SPOCK3: variants seen among roughly 807,000 people sequenced by gnomAD.
SPOCK3 encodes SPARC (osteonectin), cwcv and kazal like domains proteoglycan 3.
SPOCK3 carries 30 observed loss-of-function variants against 56.6 expected under a neutral mutation model. The ratio of observed to expected loss-of-function variants is 0.53; its 90% CI spans 0.40 to 0.72. The LOEUF (loss-of-function observed/expected upper bound fraction) is 0.72. Among genes scored for constraint, SPOCK3 ranks in the 30% least tolerant of loss-of-function variants. The pLI is 0.00. For synonymous variants in SPOCK3, 196 were observed against 183.3 expected (o/e 1.07, Z -0.56); for missense variants, 527 against 530.0 (o/e 0.99, Z 0.06).
At chr4:166,913,978 G>A (rs578197640) in intron 4 of SPOCK3, among the ~76,000 whole-genome samples, 7 of 151,880 alleles carry the variant, frequency 4.6e-5, no homozygotes, top group African/African-American at 1.7e-4. Flanking sequence ...CAATATCCTA[G>A]TGAGAGATAA....
At chr4:167,100,265 C>G (rs1355548173) in intron 2 of SPOCK3, among the ~76,000 whole-genome samples, 2 of 152,128 alleles carry the variant, frequency 1.3e-5, no homozygotes, top group Non-Finnish European at 2.9e-5. Context: ...CTCTGACTGA[C>G]TGACCTAACC....
At chr4:167,140,962 G>C (rs766100986) in intron 2 of SPOCK3, among the ~76,000 whole-genome samples, 2 of 151,730 alleles carry the variant, frequency 1.3e-5, no homozygotes, top group Non-Finnish European at 2.9e-5. Flanking sequence ...CTTTTTTCTT[G>C]TTAATCTATT....
chr4:167,204,951 A>T (rs1733885903), intron 2 of SPOCK3, among the ~76,000 whole-genome samples: 2 of 148,406 alleles, frequency 1.3e-5, no homozygotes, highest in Non-Finnish European at 3.0e-5. Context: ...TCAGCCTCCT[A>T]GGTAGCTATG....
At chr4:166,933,318 AAAG>A (rs1295473603) in intron 4 of SPOCK3, among the ~76,000 whole-genome samples, 2 of 152,214 alleles carry the variant, frequency 1.3e-5, no homozygotes, top group Non-Finnish European at 2.9e-5. Flanking sequence ...TTACATAAAC[AAAG>A]AAGGCCTTCA....
intron 6 of SPOCK3, among the ~76,000 whole-genome samples, chr4:166,797,896 A>G (rs1213727191): frequency 6.6e-6 from 1 of 152,184 alleles, no homozygotes; most frequent in Non-Finnish European, 1.5e-5. Context: ...TTTTTAGGTC[A>G]TTAAAATATC....
chr4:166,894,554 G>A (rs1735151160), intron 5 of SPOCK3, among the ~76,000 whole-genome samples: 1 of 152,048 alleles, frequency 6.6e-6, no homozygotes, highest in Non-Finnish European at 1.5e-5. Context: ...CTAGAAACTG[G>A]CAATTGTAAA....
intron 2 of SPOCK3, among the ~76,000 whole-genome samples, chr4:167,126,053 G>A (rs927637257): frequency 9.2e-5 from 14 of 152,108 alleles, no homozygotes; most frequent in Admixed American, 4.6e-4. Context: ...CACAACAGAG[G>A]CTTGAAAATA....
At chr4:167,193,016 G>C (rs192286662) in intron 2 of SPOCK3, among the ~76,000 whole-genome samples, 1 of 146,074 alleles carries the variant, frequency 6.8e-6, no homozygotes, top group Admixed American at 7.0e-5. Flanking sequence ...CCCAACGTAT[G>C]ATCTATCTTG....
intron 2 of SPOCK3, among the ~76,000 whole-genome samples, chr4:167,205,152 T>A (rs1220252743): frequency 6.3e-5 from 7 of 111,134 alleles, no homozygotes; most frequent in Non-Finnish European, 8.7e-5. Flanking sequence ...TATATATATT[T>A]TATATATATA....
Position 166,768,036 on chromosome 4 carries a change from G to T in SPOCK3, c.710-13307C>A, listed in dbSNP as rs184056337. The stretch of plus-strand genomic sequence containing the variant: ...ACCCTGCTTTTTTTGTTTTACATTT[G>T]TCTGGTAGATCTTCCTCCATCCCTT... On this transcript the variant is annotated intron_variant, in intron 7 of 10. Transcript: ENST00000357545. Among the ~76,000 whole-genome samples, 933 of 145,992 alleles carry T rather than the reference G, an allele frequency of 6.4e-3. 10 individuals carry two copies. The highest frequency in any genetic ancestry group is 0.022 in the African/African-American group (873 of 39,740).
intron 3 of SPOCK3, among the ~76,000 whole-genome samples, chr4:167,055,756 CCCG>C: frequency 6.6e-6 from 1 of 152,288 alleles, no homozygotes; most frequent in East Asian, 1.9e-4. Flanking sequence ...GGGGAGGGAG[CCCG>C]CCATTGCCCA....
chr4:166,978,020 A>G (rs994100489), intron 4 of SPOCK3, among the ~76,000 whole-genome samples: 3 of 152,152 alleles, frequency 2.0e-5, no homozygotes, highest in African/African-American at 4.8e-5. Context: ...TTTGAAAACA[A>G]AGAGTGAGTC....
At chr4:166,748,091 C>T (rs1164400746) in intron 8 of SPOCK3, among the ~76,000 whole-genome samples, 2 of 151,590 alleles carry the variant, frequency 1.3e-5, no homozygotes, top group African/African-American at 2.4e-5. Context: ...ATGCCATCCC[C>T]TTCAAGCTAC....
chr4:166,854,199 T>C (rs1475754714), intron 6 of SPOCK3, among the ~76,000 whole-genome samples: 1 of 152,172 alleles, frequency 6.6e-6, no homozygotes, highest in Non-Finnish European at 1.5e-5. Context: ...CCTTAGAATG[T>C]TAGAATTTCA....
chr4:166,801,232 T>C (rs1278608684), intron 6 of SPOCK3, among the ~76,000 whole-genome samples: 1 of 152,162 alleles, frequency 6.6e-6, no homozygotes, highest in Non-Finnish European at 1.5e-5. Context: ...CAGCTTCTTT[T>C]ATAACACCAT....
intron 2 of SPOCK3, among the ~76,000 whole-genome samples, chr4:167,087,078 T>C (rs1465543658): frequency 6.6e-6 from 1 of 152,144 alleles, no homozygotes; most frequent in African/African-American, 2.4e-5. Context: ...CAAAATGATC[T>C]AAATAATTTG....
intron 2 of SPOCK3, among the ~76,000 whole-genome samples, chr4:167,224,396 A>T (rs1385699125): frequency 1.3e-5 from 2 of 152,150 alleles, no homozygotes; most frequent in Non-Finnish European, 2.9e-5. Context: ...TATTTTACTG[A>T]TGAAATGCTA....
chr4:167,006,838 T>C (rs1749520386), intron 3 of SPOCK3, among the ~76,000 whole-genome samples: 1 of 152,222 alleles, frequency 6.6e-6, no homozygotes, highest in Non-Finnish European at 1.5e-5. Flanking sequence ...CTGTTGCTAC[T>C]ACAGCACTGC....
intron 6 of SPOCK3, among the ~76,000 whole-genome samples, chr4:166,849,115 T>C (rs1748407901): frequency 6.6e-6 from 1 of 152,274 alleles, no homozygotes; most frequent in Admixed American, 6.5e-5. Flanking sequence ...ATTGAGACTA[T>C]GGGTTGTTGA....
Sources: gnomAD v4.1 joint callset for allele counts (sites outside exome capture counted in the v4.1 genomes callset) on GRCh38, gnomAD v4.1.1 for gene constraint, MANE v1.5 for transcripts, NCBI Gene and HGNC (gene_info 2026-07-23, HGNC 2026-07-21) for gene names.